Variants in KLHL29 observed in about 807,000 individuals in gnomAD.
KLHL29 encodes kelch like family member 29.
A neutral mutation model predicts 80.4 loss-of-function variants in KLHL29; 21 were observed. The observed-to-expected ratio is 0.26, with a 90% CI of 0.19 to 0.38. The LOEUF is 0.38. KLHL29 is among the 10% of genes least tolerant of loss of function. The pLI, the probability that KLHL29 is intolerant of heterozygous loss-of-function variation, is 1.00. For missense variants in KLHL29, 867 were observed against 1,223.9 expected (o/e 0.71, Z 4.35); for synonymous variants, 511 against 526.8 (o/e 0.97, Z 0.41).
At position 23,647,361 on chromosome 2, in the gene KLHL29, C is replaced by A. The variant is rs1433435248; in HGVS notation, c.940+4511C>A. The stretch of plus-strand genomic sequence containing the variant: ...CCAGAGGCACAGAATTTTATCCAGA[C>A]TGAAACTGTCTTCCCACAGACCTAT... On this transcript the variant is annotated intron_variant, in intron 5 of 13. Coordinates refer to ENST00000486442, the MANE Select transcript of KLHL29 (RefSeq NM_052920.2). The surrounding 1 kb of genome is among the most constrained non-coding windows in gnomAD (Gnocchi z 4.9). Among the ~76,000 whole-genome samples the A allele has an allele frequency of 6.6e-6, 1 of 152,226 alleles. No homozygotes were observed. The highest frequency in any genetic ancestry group is 1.5e-5 in the Non-Finnish European group (1 of 68,042).
intron 13 of KLHL29, among the ~76,000 whole-genome samples, chr2:23,705,367 T>C (rs891637272): frequency 2.6e-5 from 4 of 152,074 alleles, no homozygotes; most frequent in Non-Finnish European, 4.4e-5. Context: ...GGCAGGCGCC[T>C]GTAATCCCAG....
intron 5 of KLHL29, among the ~76,000 whole-genome samples, chr2:23,648,726 A>G (rs1221747632): frequency 6.6e-6 from 1 of 152,214 alleles, no homozygotes; most frequent in East Asian, 1.9e-4. Context: ...GATGGGACCA[A>G]AAGAATTCTC....
At chr2:23,482,845 A>G (rs1664836873) in intron 2 of KLHL29, among the ~76,000 whole-genome samples, 1 of 151,562 alleles carries the variant, frequency 6.6e-6, no homozygotes. Context: ...TCATTCATTC[A>G]TTCATTCATT....
chr2:23,475,928 G>A (rs1229498603), intron 2 of KLHL29, among the ~76,000 whole-genome samples: 1 of 152,226 alleles, frequency 6.6e-6, no homozygotes, highest in East Asian at 1.9e-4. Context: ...AGCCCAGGCT[G>A]GAGCGCAGTG....
chr2:23,638,245 G>A (rs529583552), intron 3 of KLHL29, among the ~76,000 whole-genome samples: 15 of 152,224 alleles, frequency 9.9e-5, no homozygotes, highest in African/African-American at 2.6e-4. Context: ...GGCCATTTGT[G>A]TATCATTCTG....
chr2:23,615,843 A>G (rs1286426452), intron 3 of KLHL29, among the ~76,000 whole-genome samples: 1 of 152,164 alleles, frequency 6.6e-6, no homozygotes, highest in Non-Finnish European at 1.5e-5. Context: ...CCTGCACGTC[A>G]GCGTCGCTGT....
chr2:23,512,849 A>C lies in KLHL29; in HGVS notation c.-46+37182A>C, dbSNP rs114506437. Among the ~76,000 whole-genome samples, 961 of 152,326 alleles carry C rather than the reference A, an allele frequency of 6.3e-3. 2 individuals carry two copies. Among genetic ancestry groups the C allele is most frequent in the Non-Finnish European group, 9.9e-3 (673 of 68,034 alleles). On this transcript the variant is annotated intron_variant, in intron 2 of 13. Coordinates refer to ENST00000486442, the MANE Select transcript of KLHL29 (RefSeq NM_052920.2). ...AAAGGGTGTCTTTTCCAGGCCCTGG[A>C]GATTGCAGGCACTAACAGTCCACTC...
chr2:23,429,916 G>A (rs1558335201), intron 1 of KLHL29, among the ~76,000 whole-genome samples: 2 of 151,702 alleles, frequency 1.3e-5, no homozygotes, highest in Admixed American at 6.6e-5. Context: ...TTAATACTTG[G>A]CACTGTAATA....
chr2:23,593,328 G>A (rs1668314674), intron 3 of KLHL29, among the ~76,000 whole-genome samples: 1 of 152,226 alleles, frequency 6.6e-6, no homozygotes, highest in South Asian at 2.1e-4. Flanking sequence ...ACACTGGAAG[G>A]TTTGGGTTGG....
At chr2:23,401,123 C>A (rs949477338) in intron 1 of KLHL29, among the ~76,000 whole-genome samples, 1 of 152,158 alleles carries the variant, frequency 6.6e-6, no homozygotes, top group African/African-American at 2.4e-5. Context: ...TGGGCAGTAC[C>A]TCATGTCATG....
At chr2:23,601,560 A>G (rs1267305652) in intron 3 of KLHL29, among the ~76,000 whole-genome samples, 1 of 152,234 alleles carries the variant, frequency 6.6e-6, no homozygotes, top group Admixed American at 6.5e-5. Flanking sequence ...AGACCAGGCC[A>G]GGGTCTGTGA....
intron 2 of KLHL29, among the ~76,000 whole-genome samples, chr2:23,539,402 G>GA (rs543066305): frequency 6.1e-5 from 9 of 148,094 alleles, no homozygotes; most frequent in Non-Finnish European, 1.2e-4. Context: ...CTAGCAGACT[G>GA]ATGATGCTTT....
Position 23,695,544 on chromosome 2 carries a change from G to A in KLHL29, c.1543-79G>A. 1 of 969,566 alleles carries A rather than the reference G, an allele frequency of 1.0e-6. No individual in the cohort carries two copies. Among genetic ancestry groups the A allele is most frequent in the Non-Finnish European group, 1.5e-6 (1 of 656,772 alleles). The allele number at this position is 969,566 out of a possible 1,614,324, so 60.1% of individuals were successfully genotyped here. Reference sequence around the variant, plus strand: ...GCCTGGAATTATCCATTCTTGTGCAGCCCCACACCATTTCTTTCCGTCCGG... The same window carrying A: ...GCCTGGAATTATCCATTCTTGTGCAACCCCACACCATTTCTTTCCGTCCGG... On this transcript the variant is annotated intron_variant, in intron 8 of 13. Coordinates refer to ENST00000486442, the MANE Select transcript of KLHL29 (RefSeq NM_052920.2). The surrounding 1 kb of genome is among the most constrained non-coding windows in gnomAD (Gnocchi z 7.6).
intron 6 of KLHL29, 101 bp from the exon 7 acceptor site, chr2:23,691,573 C>T: frequency 1.0e-6 from 1 of 980,510 alleles, no homozygotes; most frequent in South Asian, 1.5e-5. Flanking sequence ...AGCCCTAAAA[C>T]CAAGGGCATG....
At chr2:23,386,754 G>A (rs1318977069) in intron 1 of KLHL29, among the ~76,000 whole-genome samples, 1 of 152,132 alleles carries the variant, frequency 6.6e-6, no homozygotes, top group Admixed American at 6.5e-5. Context: ...CCAAGGGAGG[G>A]ACGTGCTCGC....
At chr2:23,643,078 G>C in intron 5 of KLHL29, 1 of 681,290 alleles carries the variant, frequency 1.5e-6, no homozygotes, top group Admixed American at 2.0e-5. Flanking sequence ...AATGCGCCGG[G>C]GTAAGAAGAG....
rs1572344249 is a variant in KLHL29, at chr2:23,475,893, T to C, written c.-46+226T>C. Reference sequence around the variant, plus strand: ...CTCCTAGAATCAACCAAAGAGAATATCTATGACTCTTTTTGTTGTTGTCCA... The same window carrying C: ...CTCCTAGAATCAACCAAAGAGAATACCTATGACTCTTTTTGTTGTTGTCCA... On this transcript the variant is annotated intron_variant, in intron 2 of 13. Coordinates refer to ENST00000486442, the MANE Select transcript of KLHL29 (RefSeq NM_052920.2). Among the ~76,000 whole-genome samples the C allele has an allele frequency of 2.0e-5, 3 of 152,172 alleles. No individual in the cohort carries two copies. The East Asian group carries it at 5.8e-4, about 29-fold the overall frequency.
chr2:23,649,786 G>C (rs766451348), intron 5 of KLHL29, among the ~76,000 whole-genome samples: 1 of 152,230 alleles, frequency 6.6e-6, no homozygotes, highest in African/African-American at 2.4e-5. Context: ...GGGGGCTTCA[G>C]GTGATGGTGC....
intron 2 of KLHL29, among the ~76,000 whole-genome samples, chr2:23,561,837 C>T (rs1174056469): frequency 6.6e-6 from 1 of 152,012 alleles, no homozygotes; most frequent in Non-Finnish European, 1.5e-5. Context: ...AAAGTCCCAT[C>T]CATAATTAAA....
Sources: gnomAD v4.1 joint callset for allele counts (sites outside exome capture counted in the v4.1 genomes callset) on GRCh38, gnomAD v4.1.1 for gene constraint, Gnocchi (gnomAD v3.1) non-coding constraint, MANE v1.5 for transcripts, NCBI Gene and HGNC (gene_info 2026-07-23, HGNC 2026-07-21) for gene names.